Variants in TPCN1 observed in about 807,000 individuals in gnomAD.
TPCN1 encodes two pore segment channel 1.
TPCN1 carries 52 observed loss-of-function variants against 108.8 expected under a neutral mutation model. The ratio of observed to expected loss-of-function variants is 0.48; its 90% CI spans 0.38 to 0.60. The LOEUF (loss-of-function observed/expected upper bound fraction) is 0.60. TPCN1 is among the 20% of genes least tolerant of loss of function. The pLI, the probability that TPCN1 is intolerant of heterozygous loss-of-function variation, is 0.00. For missense variants in TPCN1, 806 were observed against 1,072.8 expected (o/e 0.75, Z 3.47); for synonymous variants, 446 against 433.7 (o/e 1.03, Z -0.35).
chr12:113,224,927 CTT>C (rs1176797010), intron 1 of TPCN1, among the ~76,000 whole-genome samples: 12 of 151,936 alleles, frequency 7.9e-5, no homozygotes, highest in African/African-American at 2.9e-4. Flanking sequence ...ATTTTTGTAT[CTT>C]TAATAGAGGC....
chr12:113,225,163 C>T (rs985820075), intron 1 of TPCN1: 13 of 425,386 alleles, frequency 3.1e-5, no homozygotes, highest in South Asian at 8.5e-5. Context: ...CAAGTGTTTC[C>T]GTCACCTCAG....
In TPCN1 at chr12:113,269,945, C is replaced by A; in HGVS notation, c.748+100C>A. On this transcript the variant is annotated intron_variant, in intron 7 of 27. Coordinates refer to ENST00000335509, the MANE Select transcript of TPCN1 (RefSeq NM_017901.6). The surrounding 1 kb of genome is among the most constrained non-coding windows in gnomAD (Gnocchi z 5.0). ...GGCTCAGTGGCTCACGCCTGTAATC[C>A]TAGCATTTTGGGAGGCCAAGGTGGG... 7.3e-7 allele frequency: 1 copy of A among 1,361,478 alleles called. No individual in the cohort carries two copies. The highest frequency in any genetic ancestry group is 1.0e-6 in the Non-Finnish European group (1 of 972,078). The allele number at this position is 1,361,478 out of a possible 1,614,324, so 84.3% of individuals were successfully genotyped here. A position where few individuals can be genotyped will look rare whatever the true frequency, so the allele number is the denominator to read the frequency against.
In TPCN1 at chr12:113,224,802, A is replaced by G. The variant is rs548725076; in HGVS notation, c.-125-1926A>G. Among the ~76,000 whole-genome samples, 10 of 151,940 alleles carry G rather than the reference A, an allele frequency of 6.6e-5. No individual in the cohort carries two copies. The South Asian group carries it at 1.7e-3, about 25-fold the overall frequency. On this transcript the variant is annotated intron_variant, in intron 1 of 27. Transcript: ENST00000335509. ...AATCTGGCTCTGTCGCCCAGGCTGC[A>G]GTGCAGTGCACCATCTCGGCTCACT...
intron 7 of TPCN1, among the ~76,000 whole-genome samples, chr12:113,271,807 G>C (rs1426991539): frequency 1.3e-5 from 2 of 152,220 alleles, no homozygotes; most frequent in Non-Finnish European, 2.9e-5. Context: ...GCTTCACTGG[G>C]TACAGCATGG....
At chr12:113,292,411 G>C (rs1227741251) in intron 25 of TPCN1, 1 of 201,458 alleles carries the variant, frequency 5.0e-6, no homozygotes, top group Non-Finnish European at 1.0e-5. Context: ...GGATGGTGCT[G>C]GCTTTAGTGA....
In TPCN1 at chr12:113,288,635, A is replaced by C; in HGVS notation, c.1707-123A>C. 6.5e-7 allele frequency: 1 copy of C among 1,534,070 alleles called. No homozygotes were observed. Among genetic ancestry groups the C allele is most frequent in the Non-Finnish European group, 8.7e-7 (1 of 1,144,384 alleles). ...GGCCCCTTCCCCGCAGGCACTTTCC[A>C]GTTGGTGAACCGACCAGGGGCATGG... is the stretch of plus-strand genomic sequence containing the variant. On this transcript the variant is annotated intron_variant, in intron 20 of 27. Transcript: ENST00000335509. The surrounding 1 kb of genome is among the most constrained non-coding windows in gnomAD (Gnocchi z 4.8).
Position 113,297,086 on chromosome 12 carries a change from C to T in TPCN1, c.*1010C>T, listed in dbSNP as rs1346217031. 1 of 152,224 alleles carries T rather than the reference C, an allele frequency of 6.6e-6. No homozygotes were observed. Among genetic ancestry groups the T allele is most frequent in the Non-Finnish European group, 1.5e-5 (1 of 68,090 alleles). 9.4% of individuals were successfully genotyped at this position (152,224 alleles called of 1,614,324 possible). A position where few individuals can be genotyped will look rare whatever the true frequency, so the allele number is the denominator to read the frequency against. On this transcript the variant is annotated 3_prime_UTR_variant, in exon 28 of 28. Transcript: ENST00000335509. The surrounding 1 kb of genome is among the most constrained non-coding windows in gnomAD (Gnocchi z 4.4). ...CCCAGCCACCCTCCCTGGCTCTGCT[C>T]ACACCAGAGATTTCCATAGCAGGAG...
chr12:113,287,203 G>T (rs151241969), intron 19 of TPCN1, 109 bp downstream of exon 19: 19 of 894,602 alleles, frequency 2.1e-5, no homozygotes, highest in Non-Finnish European at 3.2e-5. Flanking sequence ...TCACAAGCCA[G>T]AGTCACAGAT....
intron 10 of TPCN1, 119 bp from the exon 11 acceptor site, chr12:113,276,800 G>A (rs1009033254): frequency 2.1e-5 from 15 of 723,244 alleles, no homozygotes; most frequent in Non-Finnish European, 3.0e-5. Flanking sequence ...GGTCTCCCCA[G>A]GGCCTCTCTG....
intron 7 of TPCN1, among the ~76,000 whole-genome samples, 176 bp downstream of exon 7, chr12:113,270,021 TCCA>T (rs752503323): frequency 1.3e-5 from 2 of 151,836 alleles, no homozygotes; most frequent in Non-Finnish European, 2.9e-5. Context: ...CATGGTGAAA[TCCA>T]GTTTCTACTA....
chr12:113,275,839 G>A lies in TPCN1; in HGVS notation c.943-1080G>A, dbSNP rs560638617. ...GATCCACCCGCCTCGGCCTCCCAAA[G>A]TGCTGGGATTACAGGCCACCGTGCC... On this transcript the variant is annotated intron_variant, in intron 10 of 27. Transcript: ENST00000335509. Among the ~76,000 whole-genome samples the A allele has an allele frequency of 3.9e-5, 6 of 152,294 alleles. No homozygotes were observed. In the East Asian group the frequency reaches 9.6e-4, roughly 24 times the overall value.
intron 15 of TPCN1, among the ~76,000 whole-genome samples, chr12:113,283,426 G>A (rs1955959873): frequency 6.6e-6 from 1 of 151,974 alleles, no homozygotes. Flanking sequence ...CTTGAGCCCA[G>A]GGGTTCAAAA....
At position 113,230,559 on chromosome 12, in the gene TPCN1, C is replaced by CT. The variant is rs545853162; in HGVS notation, c.112+3595_112+3596insT. 1.5e-4 allele frequency among the ~76,000 whole-genome samples: 23 copies of CT among 152,300 alleles called. No homozygotes were observed. In the East Asian group the frequency reaches 3.3e-3, roughly 22 times the overall value. On this transcript the variant is annotated intron_variant, in intron 2 of 27. Transcript: ENST00000335509. The stretch of plus-strand genomic sequence containing the variant: ...TGTGTCTGTCCTCTTCTGATAAAGA[C>CT]ACCAGTCCTATTGGATTAGAGCTCA...
In TPCN1 at chr12:113,285,744, C is replaced by A. The variant is rs1336799310; in HGVS notation, c.1454-145C>A. ...CTCTCCTGGAGCACCTGCTCTCACG[C>A]TGGGACATGAGTGAGGCCTGGGCTC... On this transcript the variant is annotated intron_variant, in intron 17 of 27. Coordinates refer to ENST00000335509, the MANE Select transcript of TPCN1 (RefSeq NM_017901.6). 12 of 713,736 alleles carry A rather than the reference C, an allele frequency of 1.7e-5. No homozygotes were observed. In the East Asian group the frequency reaches 3.1e-4, roughly 19 times the overall value. 44.2% of individuals were successfully genotyped at this position (713,736 alleles called of 1,614,324 possible). A position where few individuals can be genotyped will look rare whatever the true frequency, so the allele number is the denominator to read the frequency against.
chr12:113,250,553 G>C (rs1328020219), intron 2 of TPCN1, among the ~76,000 whole-genome samples: 1 of 152,224 alleles, frequency 6.6e-6, no homozygotes, highest in East Asian at 1.9e-4. Flanking sequence ...CCCCACTAAG[G>C]GCCCAGCACC....
rs1352100687 is a variant in TPCN1 at position 113,273,875 on chromosome 12, G to A, written c.942+207G>A. Among the ~76,000 whole-genome samples, 2 of 152,154 alleles carry A rather than the reference G, an allele frequency of 1.3e-5. No homozygotes were observed. Among genetic ancestry groups the A allele is most frequent in the African/African-American group, 2.4e-5 (1 of 41,426 alleles). On this transcript the variant is annotated intron_variant, in intron 10 of 27. Transcript: ENST00000335509. The surrounding 1 kb of genome is among the most constrained non-coding windows in gnomAD (Gnocchi z 4.0). ...AGTTCAGCCAGTTGCTGGGGGTGGCGTCCTCACCAAGGCAATGCTGCTGAT... is the reference window on the plus strand; with the variant it reads ...AGTTCAGCCAGTTGCTGGGGGTGGCATCCTCACCAAGGCAATGCTGCTGAT...
At chr12:113,293,878 C>T (rs1956348549) in intron 27 of TPCN1, among the ~76,000 whole-genome samples, 1 of 152,188 alleles carries the variant, frequency 6.6e-6, no homozygotes. Flanking sequence ...CGCTCTGTCT[C>T]CCAGGCTGGA....
At position 113,269,081 on chromosome 12, in the gene TPCN1, C is replaced by T. The variant is rs945801610; in HGVS notation, c.659+209C>T. On this transcript the variant is annotated intron_variant, in intron 6 of 27. Coordinates refer to ENST00000335509, the MANE Select transcript of TPCN1 (RefSeq NM_017901.6). This position sits in a 1 kb window ranked among gnomAD's most constrained non-coding sequence, Gnocchi z 5.0. Reference sequence around the variant, plus strand: ...CAGTGTAGGTTTGCTGCCTCTGGGTCCAGGGCTTTTTCCCATCTTATCCGC... The same window carrying T: ...CAGTGTAGGTTTGCTGCCTCTGGGTTCAGGGCTTTTTCCCATCTTATCCGC... Among the ~76,000 whole-genome samples, 2 of 152,186 alleles carry T rather than the reference C, an allele frequency of 1.3e-5. No individual in the cohort carries two copies. The highest frequency in any genetic ancestry group is 4.8e-5 in the African/African-American group (2 of 41,450).
Position 113,279,478 on chromosome 12 carries a change from A to C in TPCN1, c.1297+643A>C, listed in dbSNP as rs192423819. On this transcript the variant is annotated intron_variant, in intron 14 of 27. Coordinates refer to ENST00000335509, the MANE Select transcript of TPCN1 (RefSeq NM_017901.6). ...GCCGTGGTGCGATCTCGCTCACTGC[A>C]ACCTCCGCCTCCCAGATTCAAGCGA... 6.6e-3 allele frequency among the ~76,000 whole-genome samples: 916 copies of C among 137,852 alleles called. 14 individuals carry two copies. Among genetic ancestry groups the C allele is most frequent in the African/African-American group, 0.023 (837 of 36,162 alleles). 90.4% of individuals were successfully genotyped at this position (137,852 alleles called of 152,430 possible).
Sources: allele counts gnomAD v4.1 joint callset (sites outside exome capture counted in the v4.1 genomes callset), GRCh38; gene constraint gnomAD v4.1.1; non-coding constraint Gnocchi (gnomAD v3.1); transcripts MANE v1.5; gene names NCBI Gene and HGNC (gene_info 2026-07-23, HGNC 2026-07-21).